DLGAP2: variants seen among roughly 807,000 people sequenced by gnomAD.
DLGAP2 encodes DLG associated protein 2.
In DLGAP2, 26 loss-of-function variants were observed where a neutral mutation model predicts 100.3. That is an observed-to-expected ratio of 0.26 (90% CI 0.19 to 0.36). The LOEUF (loss-of-function observed/expected upper bound fraction) is 0.36. Among genes scored for constraint, DLGAP2 ranks in the 10% least tolerant of loss-of-function variants. The probability of loss-of-function intolerance (pLI) is 1.00; values close to 1 mark genes in which losing one functional copy is unlikely to be tolerated. For synonymous variants in DLGAP2, 886 were observed against 630.1 expected, an observed-to-expected ratio of 1.41 and a Z score of -6.08; for missense variants, 1,858 against 1,453.2, an observed-to-expected ratio of 1.28 and a Z score of -4.53.
intron 1 of DLGAP2, among the ~76,000 whole-genome samples, chr8:756,979 C>T (rs150975164): frequency 1.3e-5 from 2 of 152,300 alleles, no homozygotes; most frequent in Non-Finnish European, 2.9e-5. Flanking sequence ...TCCTGGGGTG[C>T]CCGCAATGGG....
intron 2 of DLGAP2, among the ~76,000 whole-genome samples, chr8:1,146,562 T>C (rs544319144): frequency 2.0e-5 from 3 of 150,214 alleles, no homozygotes; most frequent in Non-Finnish European, 4.4e-5. Context: ...ACTGTGTGTG[T>C]GCACATGTGT....
intron 1 of DLGAP2, among the ~76,000 whole-genome samples, chr8:901,745 A>G (rs1341051640): frequency 6.6e-6 from 1 of 152,216 alleles, no homozygotes; most frequent in Non-Finnish European, 1.5e-5. Context: ...CCATTGCCCC[A>G]TTGCTGTGGC....
intron 2 of DLGAP2, among the ~76,000 whole-genome samples, chr8:1,084,495 T>C (rs527941259): frequency 2.5e-4 from 38 of 152,362 alleles, no homozygotes; most frequent in Admixed American, 4.6e-4. Flanking sequence ...TGCCCTCCTG[T>C]CCGAGGCTTT....
At chr8:1,293,157 C>A (rs372452796) in intron 3 of DLGAP2, among the ~76,000 whole-genome samples, 2 of 152,292 alleles carry the variant, frequency 1.3e-5, no homozygotes, top group East Asian at 3.9e-4. Context: ...CTGTCTCCCC[C>A]TCTCTCTCTG....
At chr8:1,295,277 G>A (rs1800145149) in intron 3 of DLGAP2, among the ~76,000 whole-genome samples, 1 of 152,206 alleles carries the variant, frequency 6.6e-6, no homozygotes, top group Non-Finnish European at 1.5e-5. Flanking sequence ...CCATGGGATA[G>A]ATACACACAG....
chr8:799,286 G>A (rs1299161794), intron 1 of DLGAP2, among the ~76,000 whole-genome samples: 1 of 152,144 alleles, frequency 6.6e-6, no homozygotes, highest in Non-Finnish European at 1.5e-5. Context: ...GGCACTTACA[G>A]TTTCACTGGC....
At chr8:1,153,177 T>G (rs1362905647) in intron 2 of DLGAP2, among the ~76,000 whole-genome samples, 1 of 152,166 alleles carries the variant, frequency 6.6e-6, no homozygotes, top group African/African-American at 2.4e-5. Flanking sequence ...GTTTCCAGGC[T>G]CCGAGCGGTG....
chr8:980,693 C>T (rs1456592404), intron 2 of DLGAP2, among the ~76,000 whole-genome samples: 1 of 152,066 alleles, frequency 6.6e-6, no homozygotes, highest in Non-Finnish European at 1.5e-5. Flanking sequence ...GAGACTCCAG[C>T]AGGAAGGAAG....
intron 2 of DLGAP2, among the ~76,000 whole-genome samples, chr8:982,822 G>C (rs10108044): frequency 0.17 from 25,157 of 148,150 alleles, 2,601 homozygotes; most frequent in Non-Finnish European, 0.24. Context: ...CTGCCTGGTA[G>C]TTTAGTATTT....
chr8:1,046,871 G>GT (rs1802530862), intron 2 of DLGAP2, among the ~76,000 whole-genome samples: 1 of 151,958 alleles, frequency 6.6e-6, no homozygotes, highest in Admixed American at 6.6e-5. Flanking sequence ...CTGGGGTCAA[G>GT]GCCTCACCCA....
At chr8:1,437,159 C>A (rs1030233483) in intron 3 of DLGAP2, among the ~76,000 whole-genome samples, 2 of 148,832 alleles carry the variant, frequency 1.3e-5, no homozygotes, top group Non-Finnish European at 3.0e-5. Flanking sequence ...GCGTTCAGCG[C>A]AGGCGCGTAA....
intron 4 of DLGAP2, among the ~76,000 whole-genome samples, chr8:1,522,405 C>T (rs532002327): frequency 1.3e-5 from 2 of 152,326 alleles, no homozygotes; most frequent in East Asian, 3.9e-4. Context: ...GGGCATCACA[C>T]CCACAGGGGC....
At chr8:1,635,492 A>G (rs1043155944) in intron 8 of DLGAP2, among the ~76,000 whole-genome samples, 1 of 152,184 alleles carries the variant, frequency 6.6e-6, no homozygotes, top group Admixed American at 6.5e-5. Flanking sequence ...ATCCATGTAT[A>G]CATGTGTGTA....
chr8:938,713 G>C (rs1410468772), intron 2 of DLGAP2, among the ~76,000 whole-genome samples: 2 of 152,186 alleles, frequency 1.3e-5, no homozygotes, highest in Non-Finnish European at 2.9e-5. Context: ...CTTGTGGGGG[G>C]CTGTGGCCTG....
At chr8:1,027,702 G>C in intron 2 of DLGAP2, among the ~76,000 whole-genome samples, 1 of 145,632 alleles carries the variant, frequency 6.9e-6, no homozygotes. Context: ...TTATTCTCCA[G>C]GTGGGGTGTC....
At chr8:750,010 T>C (rs1183216425) in intron 1 of DLGAP2, among the ~76,000 whole-genome samples, 2 of 152,226 alleles carry the variant, frequency 1.3e-5, no homozygotes, top group East Asian at 3.8e-4. Context: ...AGGACACATG[T>C]GAGTGCGGTC....
intron 3 of DLGAP2, among the ~76,000 whole-genome samples, chr8:1,345,486 A>G (rs1391963118): frequency 6.6e-6 from 1 of 152,252 alleles, no homozygotes; most frequent in East Asian, 1.9e-4. Context: ...TTTGTTGAAA[A>G]TAGTTTTTGA....
At chr8:1,580,025 C>T (rs956776149) in intron 6 of DLGAP2, among the ~76,000 whole-genome samples, 4 of 152,170 alleles carry the variant, frequency 2.6e-5, no homozygotes, top group Non-Finnish European at 4.4e-5. Flanking sequence ...ATAAGAGCCC[C>T]GCCCATTTCC....
At chr8:959,612 T>C (rs1227120594) in intron 2 of DLGAP2, among the ~76,000 whole-genome samples, 2 of 152,194 alleles carry the variant, frequency 1.3e-5, no homozygotes, top group Non-Finnish European at 2.9e-5. Flanking sequence ...CTTCATTCCA[T>C]TGAACTTGAG....
Sources: allele counts gnomAD v4.1 joint callset (sites outside exome capture counted in the v4.1 genomes callset), GRCh38; gene constraint gnomAD v4.1.1; transcripts MANE v1.5; gene names NCBI Gene and HGNC (gene_info 2026-07-23, HGNC 2026-07-21).